NTAN1: variants seen among roughly 807,000 people sequenced by gnomAD.
The protein encoded by NTAN1 is protein N-terminal asparagine amidohydrolase.
Under a neutral mutation model 41.9 loss-of-function variants are expected in NTAN1, and 32 were observed. The ratio of observed to expected loss-of-function variants is 0.76; its 90% CI spans 0.58 to 1.03. The LOEUF (loss-of-function observed/expected upper bound fraction) is 1.03. Ranked by LOEUF, NTAN1 falls within the 50% of genes least tolerant of loss-of-function variation. The pLI, the probability that NTAN1 is intolerant of heterozygous loss-of-function variation, is 0.00. For missense variants in NTAN1, 377 were observed against 377.5 expected, an observed-to-expected ratio of 1.00 and a Z score of 0.01; for synonymous variants, 140 against 139.5, an observed-to-expected ratio of 1.00 and a Z score of -0.03.
Position 15,053,946 on chromosome 16 carries a change from ACC to A in NTAN1, c.81+1943_81+1944del, listed in dbSNP as rs1276883444. Reference sequence around the variant, plus strand: ...AACCAACCAAACAAACAAACAAAAAACCCAACCTTTAATGTCTCCCTGTTGCT... The same window carrying A: ...AACCAACCAAACAAACAAACAAAAAACAACCTTTAATGTCTCCCTGTTGCT... On this transcript the variant is annotated intron_variant, in intron 1 of 9. Coordinates refer to ENST00000287706, the MANE Select transcript of NTAN1 (RefSeq NM_173474.4). Among the ~76,000 whole-genome samples, 9 of 152,106 alleles carry A rather than the reference ACC, an allele frequency of 5.9e-5. No individual in the cohort carries two copies. In the East Asian group the frequency reaches 1.7e-3, roughly 29 times the overall value.
chr16:15,047,255 C>T, intron 4 of NTAN1, 187 bp downstream of exon 4: 1 of 597,288 alleles, frequency 1.7e-6, no homozygotes, highest in South Asian at 2.0e-5. Context: ...TGCCTGTGCC[C>T]AGCACCCACT....
chr16:15,044,270 C>T (rs1191466658), intron 5 of NTAN1, 64 bp downstream of exon 5: 1 of 1,165,572 alleles, frequency 8.6e-7, no homozygotes, highest in Non-Finnish European at 1.3e-6. Context: ...GGATTTTTAA[C>T]CCAAGCAAAT....
chr16:15,047,236 C>G (rs2044110610), intron 4 of NTAN1: 1 of 557,346 alleles, frequency 1.8e-6, no homozygotes, highest in African/African-American at 1.9e-5. Context: ...AAATCCAGCA[C>G]AGACTCCTTG....
intron 9 of NTAN1, 133 bp from the exon 10 acceptor site, chr16:15,038,343 A>T (rs1180457130): frequency 1.4e-6 from 1 of 696,480 alleles, no homozygotes; most frequent in Non-Finnish European, 2.3e-6. Context: ...GGTGGCCTGA[A>T]TTAGTAAGAA....
intron 1 of NTAN1, chr16:15,055,662 G>C (rs1353777810): frequency 1.7e-5 from 6 of 359,886 alleles, no homozygotes; most frequent in Non-Finnish European, 3.0e-5. Flanking sequence ...AACCTCTCTG[G>C]GCCCCCGTCC....
chr16:15,041,726 C>T (rs111350492), intron 5 of NTAN1, 50 bp from the exon 6 acceptor site: 6 of 1,354,408 alleles, frequency 4.4e-6, no homozygotes, highest in Admixed American at 1.7e-5. Context: ...CTCTAGTTAC[C>T]AGAACAAACT....
chr16:15,044,504 T>G, intron 4 of NTAN1, 97 bp from the exon 5 acceptor site: 1 of 818,254 alleles, frequency 1.2e-6, no homozygotes, highest in Non-Finnish European at 2.1e-6. Context: ...CATGAACACT[T>G]GCTCTACAGC....
Position 15,051,059 on chromosome 16 carries a change from CAG to C in NTAN1, c.82-2962_82-2961del, listed in dbSNP as rs551621113. Among the ~76,000 whole-genome samples the C allele has an allele frequency of 1.8e-4, 28 of 152,326 alleles. 1 individual carries two copies. The highest frequency in any genetic ancestry group is 1.7e-3 in the South Asian group (8 of 4,830). ...CTTGCCTCATCTTAGTTCAGAATAA[CAG>C]GGGAGAATTCAGAATTCCCTCTTGA... On this transcript the variant is annotated intron_variant, in intron 1 of 9. Transcript: ENST00000287706.
chr16:15,053,504 GA>G (rs1178304517), intron 1 of NTAN1, among the ~76,000 whole-genome samples: 3 of 152,186 alleles, frequency 2.0e-5, no homozygotes, highest in East Asian at 3.9e-4. Flanking sequence ...TATATACAAA[GA>G]AAAACCTTCA....
rs187799445 is a variant in NTAN1 at position 15,052,758 on chromosome 16, G to C, written c.81+3133C>G. Among the ~76,000 whole-genome samples the C allele has an allele frequency of 2.6e-5, 4 of 152,238 alleles. No homozygotes were observed. The East Asian group carries it at 7.7e-4, about 29-fold the overall frequency. On this transcript the variant is annotated intron_variant, in intron 1 of 9. Coordinates refer to ENST00000287706, the MANE Select transcript of NTAN1 (RefSeq NM_173474.4). ...GAGAATCACTTGAACCTGGGAGGCA[G>C]AGGTTGTAGTGAGCCAAGATCGTGC...
intron 5 of NTAN1, among the ~76,000 whole-genome samples, chr16:15,043,760 C>T (rs2043929802): frequency 6.6e-6 from 1 of 152,052 alleles, no homozygotes; most frequent in Admixed American, 6.5e-5. Context: ...CCAGCCTGGC[C>T]AACATGGTGA....
At chr16:15,048,562 T>C (rs2151718175) in intron 1 of NTAN1, among the ~76,000 whole-genome samples, 1 of 152,140 alleles carries the variant, frequency 6.6e-6, no homozygotes, top group Non-Finnish European at 1.5e-5. Flanking sequence ...TTAACAATTT[T>C]ACCATTGTAA....
At chr16:15,054,159 G>A (rs1268059781) in intron 1 of NTAN1, among the ~76,000 whole-genome samples, 1 of 152,162 alleles carries the variant, frequency 6.6e-6, no homozygotes, top group Non-Finnish European at 1.5e-5. Flanking sequence ...GCCCAGCTGC[G>A]ATGCCCTCAC....
intron 5 of NTAN1, among the ~76,000 whole-genome samples, 159 bp from the exon 6 acceptor site, chr16:15,041,835 A>C (rs2043829038): frequency 6.6e-6 from 1 of 152,200 alleles, no homozygotes; most frequent in African/African-American, 2.4e-5. Flanking sequence ...ATGGGGCCAG[A>C]CACTAGGGAG....
chr16:15,040,757 C>T (rs1187069732), intron 7 of NTAN1, among the ~76,000 whole-genome samples: 1 of 152,128 alleles, frequency 6.6e-6, no homozygotes, highest in African/African-American at 2.4e-5. Flanking sequence ...GCCTGGGGTG[C>T]TGGGGGGAGA....
chr16:15,044,459 C>G (rs370640726), intron 4 of NTAN1, 52 bp from the exon 5 acceptor site: 1 of 1,160,664 alleles, frequency 8.6e-7, no homozygotes, highest in South Asian at 1.2e-5. Context: ...CCGGTGCGTG[C>G]GCTGGTCTCA....
chr16:15,050,314 C>G (rs2044245380), intron 1 of NTAN1, among the ~76,000 whole-genome samples: 2 of 152,214 alleles, frequency 1.3e-5, no homozygotes, highest in African/African-American at 4.8e-5. Flanking sequence ...AAATCTTCCT[C>G]AAATGTCTAG....
intron 1 of NTAN1, 112 bp downstream of exon 1, chr16:15,055,779 G>A: frequency 3.7e-6 from 2 of 542,380 alleles, no homozygotes; most frequent in African/African-American, 2.0e-5. Flanking sequence ...CCGGGGCTCC[G>A]GATGTGCCAA....
In NTAN1 at chr16:15,038,358, G is replaced by GTTGAAAGTTGA. The variant is rs1555578425; in HGVS notation, c.754-149_754-148insTCAACTTTCAA. The stretch of plus-strand genomic sequence containing the variant: ...GGTGGCCTGAATTAGTAAGAAAAAA[G>GTTGAAAGTTGA]TTGATTGCTTACTGCTTTACCCACA... On this transcript the variant is annotated intron_variant, in intron 9 of 9. Coordinates refer to ENST00000287706, the MANE Select transcript of NTAN1 (RefSeq NM_173474.4). 1.2e-5 allele frequency: 8 copies of GTTGAAAGTTGA among 657,894 alleles called. No homozygotes were observed. The Admixed American group carries it at 1.6e-4, about 13-fold the overall frequency. The allele number at this position is 657,894 out of a possible 1,614,324, so 40.8% of individuals were successfully genotyped here.
Sources: allele counts gnomAD v4.1 joint callset (sites outside exome capture counted in the v4.1 genomes callset), GRCh38; gene constraint gnomAD v4.1.1; transcripts MANE v1.5; gene names NCBI Gene and HGNC (gene_info 2026-07-23, HGNC 2026-07-21).